Variants in DPYSL5 observed in about 807,000 individuals in gnomAD.
The protein encoded by DPYSL5 is dihydropyrimidinase like 5.
In DPYSL5, 9 loss-of-function variants were observed where a neutral mutation model predicts 58.4. That is an observed-to-expected ratio of 0.15 (90% CI 0.09 to 0.27). DPYSL5 has a LOEUF of 0.27. DPYSL5 is among the 10% of genes least tolerant of loss of function. The pLI, the probability that DPYSL5 is intolerant of heterozygous loss-of-function variation, is 1.00. For synonymous variants in DPYSL5, 293 were observed against 301.9 expected (o/e 0.97, Z 0.31); for missense variants, 499 against 770.6 (o/e 0.65, Z 4.17).
chr2:26,923,463 T>C (rs768588016), intron 2 of DPYSL5, among the ~76,000 whole-genome samples: 16 of 152,286 alleles, frequency 1.1e-4, no homozygotes, highest in South Asian at 8.3e-4. Context: ...CCCTATTGTG[T>C]AGGTAAAGAC....
chr2:26,851,573 T>C (rs1360855585), intron 1 of DPYSL5, among the ~76,000 whole-genome samples: 1 of 152,118 alleles, frequency 6.6e-6, no homozygotes, highest in East Asian at 1.9e-4. Context: ...TGACCCAGGA[T>C]TCTGTATGAT....
intron 1 of DPYSL5, among the ~76,000 whole-genome samples, chr2:26,873,664 G>C (rs1278533193): frequency 6.6e-6 from 1 of 152,222 alleles, no homozygotes; most frequent in African/African-American, 2.4e-5. Flanking sequence ...ACCTGTTTCT[G>C]TATGGTGCAT....
intron 1 of DPYSL5, among the ~76,000 whole-genome samples, chr2:26,895,908 T>C (rs1664009035): frequency 1.3e-5 from 2 of 150,788 alleles, no homozygotes; most frequent in Admixed American, 6.7e-5. Flanking sequence ...GCCTCCCGAG[T>C]AGCTGGGATT....
chr2:26,889,497 C>G (rs1663815343), intron 1 of DPYSL5, among the ~76,000 whole-genome samples: 1 of 147,706 alleles, frequency 6.8e-6, no homozygotes, highest in African/African-American at 2.7e-5. Flanking sequence ...GTCTCAATCT[C>G]CTGACCTCAT....
intron 2 of DPYSL5, among the ~76,000 whole-genome samples, chr2:26,909,245 T>C (rs1197823753): frequency 6.6e-6 from 1 of 152,160 alleles, no homozygotes; most frequent in Non-Finnish European, 1.5e-5. Flanking sequence ...AATATAAAAC[T>C]GTGGGCCAAC....
In DPYSL5 at chr2:26,942,499, A is replaced by C. The variant is rs1572722729; in HGVS notation, c.1233-44A>C. On this transcript the variant is annotated intron_variant, in intron 10 of 12. Transcript: ENST00000288699. The surrounding 1 kb of genome is among the most constrained non-coding windows in gnomAD (Gnocchi z 5.9). ...CCTCCCATGGAGCTGTGACATTTTG[A>C]CCTGTCCTCAGCGCTTTCTCTCCCG... is the stretch of plus-strand genomic sequence containing the variant. The C allele has an allele frequency of 1.3e-6, 2 of 1,579,196 alleles. No individual in the cohort carries two copies. The highest frequency in any genetic ancestry group is 1.7e-6 in the Non-Finnish European group (2 of 1,159,912).
At chr2:26,870,062 A>G (rs1000891954) in intron 1 of DPYSL5, among the ~76,000 whole-genome samples, 7 of 152,208 alleles carry the variant, frequency 4.6e-5, no homozygotes, top group African/African-American at 1.7e-4. Flanking sequence ...GTTTATTCTG[A>G]GGATTAATTT....
rs1268010990 is a variant in DPYSL5 at position 26,867,461 on chromosome 2, T to TTG, written c.-5+19208_-5+19209insGT. Among the ~76,000 whole-genome samples the TTG allele has an allele frequency of 4.1e-3, 278 of 68,014 alleles. 1 individual carries two copies. The highest frequency in any genetic ancestry group is 9.8e-3 in the African/African-American group (256 of 26,248). 44.6% of individuals were successfully genotyped at this position (68,014 alleles called of 152,430 possible). A position where few individuals can be genotyped will look rare whatever the true frequency, so the allele number is the denominator to read the frequency against. On this transcript the variant is annotated intron_variant, in intron 1 of 12. Transcript: ENST00000288699. ...ATTGTTTGTTTTTTTTTTTGTTTGT[T>TTG]TTTTTTTTTTTTGAGACGGAGTCTC... is the stretch of plus-strand genomic sequence containing the variant.
intron 1 of DPYSL5, among the ~76,000 whole-genome samples, chr2:26,889,762 G>A (rs1663824950): frequency 1.3e-5 from 2 of 151,204 alleles, no homozygotes; most frequent in Non-Finnish European, 1.5e-5. Flanking sequence ...ACTTTCCTGA[G>A]AGGTCCAGAG....
In DPYSL5 at chr2:26,942,602, G is replaced by A. The variant is rs754180108; in HGVS notation, c.1292G>A (p.Arg431His). Reference sequence around the variant, plus strand: ...GACTTCAACCTGTATGAGAACATGCGCTGCCACGGCGTGCCACTGGTCACC... The same window carrying A: ...GACTTCAACCTGTATGAGAACATGCACTGCCACGGCGTGCCACTGGTCACC... ...GGDFNLYENM[R>H]CHGVPLVTIS... The change falls in exon 11 of 13, where the codon CGC becomes CAC. Residue 431 changes from arginine to histidine, a missense_variant. By Grantham distance (29) the Arg-to-His change is conservative. Transcript: ENST00000288699. This position sits in a 1 kb window ranked among gnomAD's most constrained non-coding sequence, Gnocchi z 5.9. 1.2e-6 allele frequency: 2 copies of A among 1,614,138 alleles called. No individual in the cohort carries two copies. Among genetic ancestry groups the A allele is most frequent in the Non-Finnish European group, 1.7e-6 (2 of 1,180,040 alleles).
At chr2:26,895,744 A>G (rs1419169981) in intron 1 of DPYSL5, among the ~76,000 whole-genome samples, 1 of 145,438 alleles carries the variant, frequency 6.9e-6, no homozygotes, top group Non-Finnish European at 1.5e-5. Context: ...CCAGCCACTG[A>G]TAACCACCAT....
intron 2 of DPYSL5, among the ~76,000 whole-genome samples, chr2:26,915,895 GA>G (rs1244074401): frequency 6.6e-6 from 1 of 152,072 alleles, no homozygotes; most frequent in Non-Finnish European, 1.5e-5. Context: ...TAATAGATGA[GA>G]ATATGAGCCC....
intron 1 of DPYSL5, among the ~76,000 whole-genome samples, chr2:26,874,760 C>A (rs2148119755): frequency 6.6e-6 from 1 of 152,322 alleles, no homozygotes; most frequent in South Asian, 2.1e-4. Context: ...GGCTGCTGAT[C>A]TCTGGGTTTG....
At chr2:26,940,485 T>G (rs1267702375) in intron 9 of DPYSL5, among the ~76,000 whole-genome samples, 1 of 144,796 alleles carries the variant, frequency 6.9e-6, no homozygotes, top group Non-Finnish European at 1.5e-5. Flanking sequence ...CATTTAGTTC[T>G]GTGCATGTAC....
intron 1 of DPYSL5, among the ~76,000 whole-genome samples, chr2:26,870,708 C>CAA (rs576919628): frequency 1.1e-3 from 85 of 80,362 alleles, no homozygotes; most frequent in African/African-American, 3.3e-3. Context: ...GACTCTGTCT[C>CAA]AAAAAAAAAA....
chr2:26,879,952 A>G (rs1207478809), intron 1 of DPYSL5, among the ~76,000 whole-genome samples: 1 of 151,960 alleles, frequency 6.6e-6, no homozygotes, highest in Non-Finnish European at 1.5e-5. Context: ...GTGCAGTGGC[A>G]TGATCATGGC....
chr2:26,923,194 A>G (rs1664745491), intron 2 of DPYSL5, among the ~76,000 whole-genome samples: 1 of 152,160 alleles, frequency 6.6e-6, no homozygotes, highest in Admixed American at 6.5e-5. Context: ...GGCTGGGTGC[A>G]GTGGTTCATG....
chr2:26,916,935 G>A (rs75284586), intron 2 of DPYSL5, among the ~76,000 whole-genome samples: 4 of 152,264 alleles, frequency 2.6e-5, no homozygotes, highest in South Asian at 4.1e-4. Flanking sequence ...CATAGTCTGC[G>A]CATTAGTGCT....
intron 9 of DPYSL5, among the ~76,000 whole-genome samples, chr2:26,941,174 G>A (rs1379532537): frequency 3.3e-5 from 5 of 151,906 alleles, no homozygotes; most frequent in East Asian, 1.9e-4. Flanking sequence ...TCTTGACCTC[G>A]TGATCCGCCC....
Sources: allele counts gnomAD v4.1 joint callset (sites outside exome capture counted in the v4.1 genomes callset), GRCh38; gene constraint gnomAD v4.1.1; non-coding constraint Gnocchi (gnomAD v3.1); transcripts MANE v1.5; gene names NCBI Gene and HGNC (gene_info 2026-07-23, HGNC 2026-07-21).